The following RASGRP4 variants were observed in gnomAD, a reference collection of about 807,000 sequenced individuals.
RASGRP4 encodes RAS guanyl-releasing protein 4.
Under a neutral mutation model 84.4 loss-of-function variants are expected in RASGRP4, and 52 were observed. That is an observed-to-expected ratio of 0.62 (90% CI 0.49 to 0.78). The LOEUF is 0.78. RASGRP4 is among the 30% of genes least tolerant of loss of function. The pLI is 0.00. For missense variants in RASGRP4, 760 were observed against 886.9 expected (o/e 0.86, Z 1.82); for synonymous variants, 356 against 359.1 (o/e 0.99, Z 0.10).
rs765137346 is a variant in RASGRP4, at chr19:38,420,978, C to T, written c.315-8G>A. 6.2e-7 allele frequency: 1 copy of T among 1,613,970 alleles called. No homozygotes were observed. Among genetic ancestry groups the T allele is most frequent in the Admixed American group, 1.7e-5 (1 of 60,020 alleles). On this transcript the variant is annotated splice_region_variant and splice_polypyrimidine_tract_variant and intron_variant, in intron 3 of 16. Coordinates refer to ENST00000615439, the MANE Select transcript of RASGRP4 (RefSeq NM_170604.3). ...CCTGTGGCCTTCTGGTATTTGAGTT[C>T]TGGTCAAGGCTCTGTTTTCCAGGAT...
intron 8 of RASGRP4, among the ~76,000 whole-genome samples, chr19:38,415,824 C>A (rs559314250): frequency 6.6e-6 from 1 of 150,770 alleles, no homozygotes; most frequent in Non-Finnish European, 1.5e-5. Context: ...TTTGAGAGGC[C>A]GAGGCAGGCG....
chr19:38,415,683 T>C (rs1460507314), intron 8 of RASGRP4, among the ~76,000 whole-genome samples: 1 of 152,062 alleles, frequency 6.6e-6, no homozygotes, highest in Admixed American at 6.6e-5. Flanking sequence ...TTTTTATTTA[T>C]TTATTTTTTA....
chr19:38,412,691 C>G lies in RASGRP4; in HGVS notation c.1661G>C (p.Cys554Ser), dbSNP rs1971312972. The G allele has an allele frequency of 6.2e-7, 1 of 1,613,366 alleles. No homozygotes were observed. The highest frequency in any genetic ancestry group is 2.2e-5 in the East Asian group (1 of 44,870). Residue 554 changes from cysteine (C) to serine (S), a missense_variant, in exon 13 of 17, where the codon TGC becomes TCC. Cys to Ser is a moderately radical substitution (Grantham distance 112). Coordinates refer to ENST00000615439, the MANE Select transcript of RASGRP4 (RefSeq NM_170604.3). The surrounding 1 kb of genome is among the most constrained non-coding windows in gnomAD (Gnocchi z 4.6). ...GCTCACGAAGCCACTGCAGCTGTCG[C>G]AGAAGGTAGGCTTTCGGAAGGTGAC... ...HEVTFRKPTF[C>S]DSCSGFLWGV...
At position 38,420,244 on chromosome 19, in the gene RASGRP4, G is replaced by T. The variant is rs1249821309; in HGVS notation, c.396C>A (p.His132Gln). The T allele has an allele frequency of 6.2e-7, 1 of 1,613,372 alleles. No homozygotes were observed. The highest frequency in any genetic ancestry group is 8.5e-7 in the Non-Finnish European group (1 of 1,179,680). The change falls in exon 5 of 17, where the codon CAC (histidine) becomes CAA (glutamine). Residue 132 changes from histidine to glutamine, a missense_variant. By Grantham distance (24) the His-to-Gln change is conservative (BLOSUM62 0). Coordinates refer to ENST00000615439, the MANE Select transcript of RASGRP4 (RefSeq NM_170604.3). ...CHLVRYWLMR[H>Q]PEVMHQDPQL... is the part of the protein sequence containing the mutation. ...GGGGATCCTGGTGCATCACCTCAGG[G>T]TGTCGCATCAGCCAGTACCTGAGAG...
chr19:38,416,352 A>G (rs1327513741), intron 8 of RASGRP4, among the ~76,000 whole-genome samples: 1 of 149,324 alleles, frequency 6.7e-6, no homozygotes, highest in Non-Finnish European at 1.5e-5. Flanking sequence ...AATCCCAGCT[A>G]TTCGGGAGGC....
chr19:38,414,776 C>T (rs1971424520), intron 9 of RASGRP4, 72 bp downstream of exon 9: 4 of 1,416,780 alleles, frequency 2.8e-6, no homozygotes, highest in Non-Finnish European at 3.8e-6. Context: ...GTCCTGGAGA[C>T]ACTCACACAC....
rs999077285 is a variant in RASGRP4 at position 38,413,167 on chromosome 19, C to A, written c.1416+26G>T. The stretch of plus-strand genomic sequence containing the variant: ...AGATGTCTTCCCTCCTGGCTGCTGG[C>A]GGCCGGGCCACCCTCCCCTCCTTAC... On this transcript the variant is annotated intron_variant, in intron 11 of 16. Transcript: ENST00000615439. The surrounding 1 kb of genome is among the most constrained non-coding windows in gnomAD (Gnocchi z 4.7). The A allele has an allele frequency of 6.2e-7, 1 of 1,600,778 alleles. No homozygotes were observed. Among genetic ancestry groups the A allele is most frequent in the Non-Finnish European group, 8.6e-7 (1 of 1,169,200 alleles).
At chr19:38,424,835 C>T (rs1167898519) in intron 1 of RASGRP4, among the ~76,000 whole-genome samples, 1 of 152,134 alleles carries the variant, frequency 6.6e-6, no homozygotes. Flanking sequence ...CCAAAAGCAT[C>T]ACCTGGGAAC....
intron 1 of RASGRP4, among the ~76,000 whole-genome samples, chr19:38,424,564 T>C (rs1036512069): frequency 2.8e-5 from 4 of 144,556 alleles, no homozygotes; most frequent in African/African-American, 7.5e-5. Context: ...GGACTACAGG[T>C]GTGCACGACC....
In RASGRP4 at chr19:38,420,225, C is replaced by T; in HGVS notation, c.415G>A (p.Asp139Asn). Reference sequence around the variant, plus strand: ...CCTATGACTTCTTCTAGCTGGGGATCCTGGTGCATCACCTCAGGGTGTCGC... The same window carrying T: ...CCTATGACTTCTTCTAGCTGGGGATTCTGGTGCATCACCTCAGGGTGTCGC... ...LMRHPEVMHQ[D>N]PQLEEVIGRF... The change falls in exon 5 of 17, where the codon GAT becomes AAT. Residue 139 changes from aspartate to asparagine, a missense_variant. Asp to Asn is a conservative substitution (Grantham distance 23). Coordinates refer to ENST00000615439, the MANE Select transcript of RASGRP4 (RefSeq NM_170604.3). 1 of 1,613,092 alleles carries T rather than the reference C, an allele frequency of 6.2e-7. No individual in the cohort carries two copies.
rs964674793 is a variant in RASGRP4, at chr19:38,412,903, G to A, written c.1535+28C>T. On this transcript the variant is annotated intron_variant, in intron 12 of 16. Transcript: ENST00000615439. This position sits in a 1 kb window ranked among gnomAD's most constrained non-coding sequence, Gnocchi z 4.6. ...AGGCAACCCCAGTGTCCTCATCTTC[G>A]GAGGATCCAGGAGTCACAACCACTT... 6.2e-6 allele frequency: 10 copies of A among 1,613,028 alleles called. No individual in the cohort carries two copies. Among genetic ancestry groups the A allele is most frequent in the African/African-American group, 4.0e-5 (3 of 74,916 alleles).
intron 6 of RASGRP4, among the ~76,000 whole-genome samples, chr19:38,419,625 G>T (rs1344677032): frequency 6.6e-6 from 1 of 152,114 alleles, no homozygotes; most frequent in Non-Finnish European, 1.5e-5. Flanking sequence ...GTAGAGATGG[G>T]GTTTCACCAT....
At chr19:38,415,203 C>T in intron 8 of RASGRP4, 80 bp from the exon 9 acceptor site, 2 of 1,320,692 alleles carry the variant, frequency 1.5e-6, no homozygotes, top group Non-Finnish European at 2.1e-6. Context: ...GGCTCTAGGC[C>T]TTCAGGGACC....
Position 38,412,365 on chromosome 19 carries a change from G to A in RASGRP4, c.1680+307C>T, listed in dbSNP as rs180971698. 51 of 337,046 alleles carry A rather than the reference G, an allele frequency of 1.5e-4. No individual in the cohort carries two copies. In the East Asian group the frequency reaches 2.9e-3, roughly 19 times the overall value. The allele number at this position is 337,046 out of a possible 1,614,324, so 20.9% of individuals were successfully genotyped here. The stretch of plus-strand genomic sequence containing the variant: ...TTGAACTCTTGAGCTCAAGCAATCC[G>A]CCCACCTCAGCCTCCCCAAGTGCTG... On this transcript the variant is annotated intron_variant, in intron 13 of 16. Transcript: ENST00000615439. This position sits in a 1 kb window ranked among gnomAD's most constrained non-coding sequence, Gnocchi z 4.6.
Position 38,421,154 on chromosome 19 carries a change from C to T in RASGRP4, c.255G>A (p.Val85=). Residue 85 remains valine, a synonymous_variant, in exon 3 of 17, where the codon GTG becomes GTA. Coordinates refer to ENST00000615439, the MANE Select transcript of RASGRP4 (RefSeq NM_170604.3). ...GCAGCACCCAGCTGTGCATGGCCAG[C>T]ACCATGTTGAGCATGTGGTCCTCGT... The part of the protein sequence containing the change: ...LCHEDHMLNM[V]LAMHSWVLPS... The T allele has an allele frequency of 6.2e-7, 1 of 1,613,906 alleles. No individual in the cohort carries two copies. The highest frequency in any genetic ancestry group is 8.5e-7 in the Non-Finnish European group (1 of 1,179,864).
chr19:38,413,490 G>A lies in RASGRP4; in HGVS notation c.1231-16C>T, dbSNP rs1243490678. The stretch of plus-strand genomic sequence containing the variant: ...CCAGGGAGAGCTGGAGCAGACAGGG[G>A]TGTTACGGATCCTCCCATCTATAGC... On this transcript the variant is annotated splice_polypyrimidine_tract_variant and intron_variant, in intron 9 of 16. Coordinates refer to ENST00000615439, the MANE Select transcript of RASGRP4 (RefSeq NM_170604.3). The surrounding 1 kb of genome is among the most constrained non-coding windows in gnomAD (Gnocchi z 4.7). The A allele has an allele frequency of 6.3e-7, 1 of 1,577,906 alleles. No individual in the cohort carries two copies. Among genetic ancestry groups the A allele is most frequent in the Non-Finnish European group, 8.6e-7 (1 of 1,160,762 alleles).
chr19:38,413,101 C>T lies in RASGRP4; in HGVS notation c.1417-52G>A. On this transcript the variant is annotated intron_variant, in intron 11 of 16. Transcript: ENST00000615439. This position sits in a 1 kb window ranked among gnomAD's most constrained non-coding sequence, Gnocchi z 4.7. The stretch of plus-strand genomic sequence containing the variant: ...AAGGCCCAGTTGTCGAAATATGATC[C>T]CCATGGCCATAAGTCCCCACCTCCA... 3 of 1,578,442 alleles carry T rather than the reference C, an allele frequency of 1.9e-6. No homozygotes were observed. The highest frequency in any genetic ancestry group is 1.7e-6 in the Non-Finnish European group (2 of 1,147,704).
At position 38,420,001 on chromosome 19, in the gene RASGRP4, A is replaced by G; in HGVS notation, c.522T>C (p.Gly174=). 1 of 1,613,696 alleles carries G rather than the reference A, an allele frequency of 6.2e-7. No individual in the cohort carries two copies. The highest frequency in any genetic ancestry group is 8.5e-7 in the Non-Finnish European group (1 of 1,179,662). The change falls in exon 6 of 17, where the codon GGT becomes GGC. Residue 174 remains glycine (G), a synonymous_variant. Transcript: ENST00000615439. ...LGDSSDLLSP[G]GPGPPLPMSS... is the part of the protein sequence containing the mutation. ...TCATTGGGAGTGGGGGGCCAGGGCC[A>G]CCAGGGCTCAGGCTGGGGGCCAAGA...
rs747352606 is a variant in RASGRP4 at position 38,417,160 on chromosome 19, G to C, written c.846C>G (p.His282Gln). 4 of 1,556,086 alleles carry C rather than the reference G, an allele frequency of 2.6e-6. No homozygotes were observed. Among genetic ancestry groups the C allele is most frequent in the Admixed American group, 1.9e-5 (1 of 51,462 alleles). The change falls in exon 8 of 17, where the codon CAC (histidine) becomes CAG (glutamine). Residue 282 changes from histidine (H) to glutamine (Q), a missense_variant. By Grantham distance (24) the His-to-Gln change is conservative (BLOSUM62 0). Transcript: ENST00000615439. The surrounding 1 kb of genome is among the most constrained non-coding windows in gnomAD (Gnocchi z 5.1). The part of the protein sequence containing the change: ...DKFIHVAQRL[H>Q]QLQNFNTLMA... ...TCAGCGTGTTGAAATTCTGCAGCTG[G>C]TGGAGCCTCTAGGAAGAGAAGCATG...
Sources: allele counts gnomAD v4.1 joint callset (sites outside exome capture counted in the v4.1 genomes callset), GRCh38; gene constraint gnomAD v4.1.1; non-coding constraint Gnocchi (gnomAD v3.1); transcripts MANE v1.5; gene names NCBI Gene and HGNC (gene_info 2026-07-23, HGNC 2026-07-21).